CNBD2: variants seen among roughly 807,000 people sequenced by gnomAD.
CNBD2 encodes cyclic nucleotide-binding domain-containing protein 2.
CNBD2 carries 64 observed loss-of-function variants against 63.7 expected under a neutral mutation model. That is an observed-to-expected ratio of 1.00 (90% CI 0.82 to 1.24). The LOEUF is 1.24. CNBD2 is among the 50% of genes most tolerant of loss of function. The pLI is 0.00. For missense variants in CNBD2, 691 were observed against 713.5 expected, an observed-to-expected ratio of 0.97 and a Z score of 0.36; for synonymous variants, 229 against 255.4, an observed-to-expected ratio of 0.90 and a Z score of 0.99.
upstream of CNBD2, among the ~76,000 whole-genome samples, chr20:35,964,339 C>G (rs994490609): frequency 1.3e-5 from 2 of 152,034 alleles, no homozygotes; most frequent in African/African-American, 4.8e-5. Flanking sequence ...CGCCACCATG[C>G]CCGGCTAATT....
At chr20:36,029,410 A>G (rs1389276243) in intron 11 of CNBD2, among the ~76,000 whole-genome samples, 1 of 152,202 alleles carries the variant, frequency 6.6e-6, no homozygotes, top group African/African-American at 2.4e-5. Flanking sequence ...ACTACCCAGT[A>G]GTGTGCTCAT....
intron 8 of CNBD2, among the ~76,000 whole-genome samples, chr20:35,996,479 T>C (rs2056826048): frequency 6.6e-6 from 1 of 152,044 alleles, no homozygotes; most frequent in Admixed American, 6.6e-5. Flanking sequence ...TTATACATAT[T>C]GCATAATTCT....
chr20:35,963,833 T>C (rs548286877), upstream of CNBD2, among the ~76,000 whole-genome samples: 6 of 152,186 alleles, frequency 3.9e-5, no homozygotes, highest in East Asian at 1.2e-3. Context: ...AACCACTAAA[T>C]AGAGAATTTT....
intron 2 of CNBD2, among the ~76,000 whole-genome samples, chr20:35,962,535 C>T (rs1490755547): frequency 6.6e-6 from 1 of 152,166 alleles, no homozygotes; most frequent in African/African-American, 2.4e-5. Context: ...GCTGGGATTA[C>T]AGGCGTGAGC....
At position 36,002,599 on chromosome 20, in the gene CNBD2, T is replaced by C. The variant is rs569112254; in HGVS notation, c.971-5698T>C. 5.9e-5 allele frequency among the ~76,000 whole-genome samples: 9 copies of C among 152,336 alleles called. No individual in the cohort carries two copies. The South Asian group carries it at 1.9e-3, about 32-fold the overall frequency. ...AGCCACTGCACCTGGCCAACATTTTTATTTTTGTATAAACTCTTTATATAA... is the reference window on the plus strand; with the variant it reads ...AGCCACTGCACCTGGCCAACATTTTCATTTTTGTATAAACTCTTTATATAA... On this transcript the variant is annotated intron_variant, in intron 8 of 11. Transcript: ENST00000373973.
At chr20:36,001,600 CG>C (rs1216513131) in intron 8 of CNBD2, among the ~76,000 whole-genome samples, 4 of 117,204 alleles carry the variant, frequency 3.4e-5, no homozygotes, top group Non-Finnish European at 7.4e-5. Context: ...ACTTCTCAGA[CG>C]GGGCGGCTGC....
intron 7 of CNBD2, among the ~76,000 whole-genome samples, chr20:35,994,249 G>C (rs2147270859): frequency 6.6e-6 from 1 of 152,038 alleles, no homozygotes; most frequent in South Asian, 2.1e-4. Flanking sequence ...ATTTTTAGTA[G>C]GGACGGGGTT....
At chr20:36,000,378 T>C in intron 8 of CNBD2, among the ~76,000 whole-genome samples, 1 of 152,148 alleles carries the variant, frequency 6.6e-6, no homozygotes, top group East Asian at 1.9e-4. Context: ...TTTATTTATT[T>C]ATTTATTTAT....
At chr20:35,986,270 G>A (rs1342903851) in intron 6 of CNBD2, among the ~76,000 whole-genome samples, 1 of 152,204 alleles carries the variant, frequency 6.6e-6, no homozygotes, top group Non-Finnish European at 1.5e-5. Context: ...TGTGGCTGGG[G>A]CTGAGAGAGG....
chr20:36,024,749 GA>G (rs1288204277), intron 11 of CNBD2, among the ~76,000 whole-genome samples: 1 of 152,122 alleles, frequency 6.6e-6, no homozygotes, highest in Non-Finnish European at 1.5e-5. Flanking sequence ...CCAACATGGT[GA>G]AACCCTGTCT....
rs373627104 is a variant in CNBD2 at position 35,972,771 on chromosome 20, G to A, written c.189+5G>A. 49 of 1,614,088 alleles carry A rather than the reference G, an allele frequency of 3.0e-5. No homozygotes were observed. The African/African-American group carries it at 5.9e-4, about 19-fold the overall frequency. On this transcript the variant is annotated splice_donor_5th_base_variant and intron_variant, in intron 2 of 11. Transcript: ENST00000373973. ...CCTATCTTCTCCTTCTGGGATGTAAGCAGTTGGGCTCAGCAGGATTATGAG... is the reference window on the plus strand; with the variant it reads ...CCTATCTTCTCCTTCTGGGATGTAAACAGTTGGGCTCAGCAGGATTATGAG...
upstream of CNBD2, chr20:35,954,480 G>A (rs755111676): frequency 1.4e-5 from 22 of 1,546,482 alleles, no homozygotes; most frequent in South Asian, 8.4e-5. Flanking sequence ...GCAGCCGGAA[G>A]CGAAAGTCTC....
intron 4 of CNBD2, among the ~76,000 whole-genome samples, chr20:35,982,944 T>C (rs1478617641): frequency 6.6e-6 from 1 of 152,074 alleles, no homozygotes; most frequent in Non-Finnish European, 1.5e-5. Context: ...AAGACCAGCC[T>C]GGGCAACATA....
intron 2 of CNBD2, among the ~76,000 whole-genome samples, chr20:35,962,697 GA>G (rs1331640832): frequency 6.6e-6 from 1 of 152,190 alleles, no homozygotes; most frequent in Non-Finnish European, 1.5e-5. Context: ...TTAACATAAT[GA>G]ATTATGTTTA....
chr20:35,984,811 C>T, intron 6 of CNBD2, 33 bp downstream of exon 6: 2 of 1,610,484 alleles, frequency 1.2e-6, no homozygotes, highest in South Asian at 1.1e-5. Context: ...TTTTTTTCCC[C>T]TTGTGTGTTT....
At chr20:36,003,466 T>A (rs892164428) in intron 8 of CNBD2, among the ~76,000 whole-genome samples, 10 of 152,152 alleles carry the variant, frequency 6.6e-5, no homozygotes, top group African/African-American at 2.4e-4. Context: ...TTATGTGGGG[T>A]CAGAACAGTG....
chr20:36,010,193 C>T (rs539717099), intron 9 of CNBD2, among the ~76,000 whole-genome samples: 1 of 152,214 alleles, frequency 6.6e-6, no homozygotes, highest in East Asian at 1.9e-4. Context: ...GCCCCCTCCC[C>T]CTGCTACTTT....
At position 36,001,398 on chromosome 20, in the gene CNBD2, G is replaced by A. The variant is rs1379651059; in HGVS notation, c.970+6246G>A. The stretch of plus-strand genomic sequence containing the variant: ...CCCCCACCTCCCTCCCGGACAGGGC[G>A]GCTGGCCGGGCAGAGGGGCTCCTCA... On this transcript the variant is annotated intron_variant, in intron 8 of 11. Transcript: ENST00000373973. 8.6e-5 allele frequency among the ~76,000 whole-genome samples: 10 copies of A among 116,790 alleles called. No homozygotes were observed. The South Asian group carries it at 2.3e-3, about 26-fold the overall frequency. The allele number at this position is 116,790 out of a possible 152,430, so 76.6% of individuals were successfully genotyped here.
chr20:36,010,509 G>A (rs926016140), intron 9 of CNBD2, among the ~76,000 whole-genome samples: 1 of 151,576 alleles, frequency 6.6e-6, no homozygotes, highest in Non-Finnish European at 1.5e-5. Context: ...AGTGGCTTAC[G>A]CCTATAATCC....
Sources: gnomAD v4.1 joint callset for allele counts (sites outside exome capture counted in the v4.1 genomes callset) on GRCh38, gnomAD v4.1.1 for gene constraint, MANE v1.5 for transcripts, NCBI Gene and HGNC (gene_info 2026-07-23, HGNC 2026-07-21) for gene names.